Variants in CNTNAP5 observed in about 807,000 individuals in gnomAD.
CNTNAP5 encodes contactin associated protein family member 5.
Under a neutral mutation model 150.2 loss-of-function variants are expected in CNTNAP5, and 72 were observed. That is an observed-to-expected ratio of 0.48 (90% CI 0.40 to 0.58). The LOEUF (loss-of-function observed/expected upper bound fraction) is 0.58, where lower values mean the gene tolerates loss of function less well. Ranked by LOEUF, CNTNAP5 falls within the 20% of genes least tolerant of loss-of-function variation. The pLI, the probability that CNTNAP5 is intolerant of heterozygous loss-of-function variation, is 0.00. For synonymous variants in CNTNAP5, 672 were observed against 619.8 expected (o/e 1.08, Z -1.25); for missense variants, 1,636 against 1,626.2 (o/e 1.01, Z -0.10).
In CNTNAP5 at chr2:124,242,323, C is replaced by T. The variant is rs775431778; in HGVS notation, c.311C>T (p.Thr104Met). Residue 104 changes from threonine to methionine, a missense_variant, in exon 3 of 24, where the codon ACG becomes ATG. Physicochemically the swap from Thr to Met is moderately conservative, Grantham distance 81. Coordinates refer to ENST00000682447, the MANE Select transcript of CNTNAP5 (RefSeq NM_001367498.1). ...QGRYGSSDWV[T>M]SYSLMFSDTG... is the part of the protein sequence containing the mutation. ...AGATACGGAAGCTCTGACTGGGTGA[C>T]GAGTTACAGCCTGATGTTCAGTGAC... 39 of 1,613,140 alleles carry T rather than the reference C, an allele frequency of 2.4e-5. No individual in the cohort carries two copies. Among genetic ancestry groups the T allele is most frequent in the Non-Finnish European group, 2.8e-5 (33 of 1,179,640 alleles).
intron 3 of CNTNAP5, among the ~76,000 whole-genome samples, chr2:124,370,130 A>C (rs2104725631): frequency 6.6e-6 from 1 of 152,338 alleles, no homozygotes. Flanking sequence ...CAGCATCTCA[A>C]GAATTGAGAG....
In CNTNAP5 at chr2:124,450,665, G is replaced by A. The variant is rs146649162; in HGVS notation, c.918+3728G>A. On this transcript the variant is annotated intron_variant, in intron 6 of 23. Coordinates refer to ENST00000682447, the MANE Select transcript of CNTNAP5 (RefSeq NM_001367498.1). ...CCCATGTGACTTCTCCAAACGCTGC[G>A]AGAAGGATTGTAGCAGCTCAGTTTA... Among the ~76,000 whole-genome samples, 362 of 151,556 alleles carry A rather than the reference G, an allele frequency of 2.4e-3. 2 individuals carry two copies. The highest frequency in any genetic ancestry group is 8.2e-3 in the African/African-American group (337 of 41,234).
chr2:124,797,064 G>A (rs1305626946), intron 18 of CNTNAP5, among the ~76,000 whole-genome samples: 2 of 152,184 alleles, frequency 1.3e-5, no homozygotes, highest in Non-Finnish European at 2.9e-5. Context: ...ACTGTACTTG[G>A]CAACTCTCTT....
At chr2:124,544,019 C>A (rs936345987) in intron 10 of CNTNAP5, among the ~76,000 whole-genome samples, 1 of 151,808 alleles carries the variant, frequency 6.6e-6, no homozygotes, top group African/African-American at 2.4e-5. Flanking sequence ...TTAAAATGAA[C>A]TATGCTCATT....
intron 12 of CNTNAP5, among the ~76,000 whole-genome samples, chr2:124,633,587 G>C (rs1458149414): frequency 6.6e-6 from 1 of 152,118 alleles, no homozygotes; most frequent in Non-Finnish European, 1.5e-5. Flanking sequence ...CTACTATTTG[G>C]GGGTCTGGAG....
chr2:124,458,745 T>TA (rs1240062325), intron 6 of CNTNAP5, among the ~76,000 whole-genome samples: 2 of 152,120 alleles, frequency 1.3e-5, no homozygotes, highest in East Asian at 1.9e-4. Context: ...TACAATTTTT[T>TA]AAAAAAACAG....
intron 1 of CNTNAP5, among the ~76,000 whole-genome samples, chr2:124,181,340 A>G (rs1318023174): frequency 2.0e-5 from 3 of 152,134 alleles, no homozygotes; most frequent in African/African-American, 7.2e-5. Context: ...TATATTGAGT[A>G]GGAGTTTCTT....
intron 21 of CNTNAP5, among the ~76,000 whole-genome samples, chr2:124,871,364 T>C (rs1677744504): frequency 6.6e-6 from 1 of 152,134 alleles, no homozygotes; most frequent in Admixed American, 6.6e-5. Flanking sequence ...AATGCAATAT[T>C]GAAGAATATT....
chr2:124,157,594 G>C (rs1280059377), intron 1 of CNTNAP5, among the ~76,000 whole-genome samples: 1 of 152,018 alleles, frequency 6.6e-6, no homozygotes, highest in African/African-American at 2.4e-5. Flanking sequence ...AAGAAAGAAG[G>C]GGTCCATACA....
At chr2:124,806,032 A>G (rs1682073409) in intron 19 of CNTNAP5, among the ~76,000 whole-genome samples, 1 of 152,216 alleles carries the variant, frequency 6.6e-6, no homozygotes, top group South Asian at 2.1e-4. Context: ...TGGAGACACA[A>G]ACATTTATTC....
At chr2:124,609,474 T>C (rs545810330) in intron 11 of CNTNAP5, among the ~76,000 whole-genome samples, 1 of 152,020 alleles carries the variant, frequency 6.6e-6, no homozygotes, top group East Asian at 1.9e-4. Context: ...ACACCTATAC[T>C]CCCAGCTACT....
At chr2:124,297,075 A>G (rs1259322362) in intron 3 of CNTNAP5, among the ~76,000 whole-genome samples, 2 of 152,224 alleles carry the variant, frequency 1.3e-5, no homozygotes, top group Non-Finnish European at 2.9e-5. Context: ...ATCAGCAAAA[A>G]TGGAAATTAG....
chr2:124,902,791 G>A, intron 21 of CNTNAP5, 91 bp from the exon 22 acceptor site: 1 of 824,326 alleles, frequency 1.2e-6, no homozygotes, highest in Non-Finnish European at 1.9e-6. Context: ...GGTAATTTCT[G>A]TAATTTTAGA....
chr2:124,569,002 C>T (rs1236651332), intron 11 of CNTNAP5, among the ~76,000 whole-genome samples: 4 of 152,140 alleles, frequency 2.6e-5, no homozygotes, highest in Non-Finnish European at 5.9e-5. Context: ...GAGCCAAGAT[C>T]GCGCCACTGC....
At chr2:124,841,371 C>A (rs923809549) in intron 19 of CNTNAP5, among the ~76,000 whole-genome samples, 7 of 149,462 alleles carry the variant, frequency 4.7e-5, no homozygotes, top group Admixed American at 2.6e-4. Context: ...CATAGATATG[C>A]ACTCCATCTT....
Position 124,647,804 on chromosome 2 carries a change from C to G in CNTNAP5, c.1923C>G (p.Thr641=). 6.2e-7 allele frequency: 1 copy of G among 1,613,208 alleles called. No individual in the cohort carries two copies. The highest frequency in any genetic ancestry group is 8.5e-7 in the Non-Finnish European group (1 of 1,179,538). Residue 641 remains threonine, a synonymous_variant, in exon 13 of 24, where the codon ACC becomes ACG. Coordinates refer to ENST00000682447, the MANE Select transcript of CNTNAP5 (RefSeq NM_001367498.1). ...TSVQHNNTEL[T]RVRGANPEKP... ...TGCAGCACAACAATACAGAGCTGAC[C>G]CGAGTGCGGGGCGCTAACCCTGAGA... is the stretch of plus-strand genomic sequence containing the variant.
At chr2:124,858,781 A>G (rs1311096073) in intron 19 of CNTNAP5, among the ~76,000 whole-genome samples, 1 of 152,226 alleles carries the variant, frequency 6.6e-6, no homozygotes, top group African/African-American at 2.4e-5. Flanking sequence ...TGCATTTTAA[A>G]GAAGCAGCAA....
intron 1 of CNTNAP5, among the ~76,000 whole-genome samples, chr2:124,067,693 T>C (rs767288555): frequency 4.6e-5 from 7 of 152,188 alleles, no homozygotes; most frequent in Admixed American, 2.6e-4. Context: ...ATTTCAACTA[T>C]ACTTTTTAAT....
At chr2:124,217,440 G>A (rs920052894) in intron 1 of CNTNAP5, among the ~76,000 whole-genome samples, 1 of 152,132 alleles carries the variant, frequency 6.6e-6, no homozygotes, top group Non-Finnish European at 1.5e-5. Context: ...AAGGCTGCAG[G>A]AGCACTGAGG....
Sources: gnomAD v4.1 joint callset for allele counts (sites outside exome capture counted in the v4.1 genomes callset) on GRCh38, gnomAD v4.1.1 for gene constraint, MANE v1.5 for transcripts, NCBI Gene and HGNC (gene_info 2026-07-23, HGNC 2026-07-21) for gene names.